The following ZMYM2 variants were observed in gnomAD, a reference collection of about 807,000 sequenced individuals.
The protein encoded by ZMYM2 is zinc finger MYM-type protein 2.
A neutral mutation model predicts 162.8 loss-of-function variants in ZMYM2; 56 were observed. That is an observed-to-expected ratio of 0.34 (90% CI 0.28 to 0.43). ZMYM2 has a LOEUF of 0.43. Ranked by LOEUF, ZMYM2 falls within the 20% of genes least tolerant of loss-of-function variation. The pLI, the probability that ZMYM2 is intolerant of heterozygous loss-of-function variation, is 1.00. For synonymous variants in ZMYM2, 510 were observed against 541.6 expected, an observed-to-expected ratio of 0.94 and a Z score of 0.81; for missense variants, 1,275 against 1,621.8, an observed-to-expected ratio of 0.79 and a Z score of 3.67.
rs1349950889 is a variant in ZMYM2, at chr13:20,026,713, T to C, written c.1686T>C (p.Cys562=). 4.4e-6 allele frequency: 7 copies of C among 1,605,524 alleles called. No individual in the cohort carries two copies. The highest frequency in any genetic ancestry group is 1.7e-6 in the Non-Finnish European group (2 of 1,178,300). The part of the protein sequence containing the change: ...IGPNGYMEPY[C]STACMNSHKT... Reference sequence around the variant, plus strand: ...CTAATGGATATATGGAGCCATATTGTTCAACTGCTTGTATGAACAGTCACA... The same window carrying C: ...CTAATGGATATATGGAGCCATATTGCTCAACTGCTTGTATGAACAGTCACA... Residue 562 remains cysteine, a synonymous_variant, in exon 8 of 25, where the codon TGT becomes TGC. Transcript: ENST00000610343.
chr13:20,055,350 A>G (rs1221976324), intron 14 of ZMYM2, among the ~76,000 whole-genome samples: 2 of 152,176 alleles, frequency 1.3e-5, no homozygotes, highest in Admixed American at 1.3e-4. Flanking sequence ...TCCAATGTGC[A>G]TGTTCCCAGT....
At chr13:19,927,415 A>T in the ZMYM2 span, among the ~76,000 whole-genome samples, 1 of 152,324 alleles carries the variant, frequency 6.6e-6, no homozygotes, top group East Asian at 1.9e-4. Context: ...ATTGAATTCT[A>T]AAAAAGTTAT....
At chr13:19,935,125 A>T in the ZMYM2 span, among the ~76,000 whole-genome samples, 2 of 151,620 alleles carry the variant, frequency 1.3e-5, no homozygotes, top group South Asian at 4.2e-4. Flanking sequence ...TGTATGTCTG[A>T]TATTATTTTA....
intron 6 of ZMYM2, among the ~76,000 whole-genome samples, chr13:20,018,323 A>G (rs955821499): frequency 3.3e-5 from 5 of 152,188 alleles, no homozygotes; most frequent in Admixed American, 3.3e-4. Context: ...TATGTTCATA[A>G]TTCATTAGTT....
At chr13:20,054,697 A>G (rs1250002684) in intron 14 of ZMYM2, among the ~76,000 whole-genome samples, 2 of 152,008 alleles carry the variant, frequency 1.3e-5, no homozygotes, top group South Asian at 2.1e-4. Flanking sequence ...ACCAAGTGGC[A>G]TAGTTAATTG....
the ZMYM2 span, among the ~76,000 whole-genome samples, chr13:19,866,166 G>C: frequency 6.6e-6 from 1 of 151,686 alleles, no homozygotes; most frequent in Non-Finnish European, 1.5e-5. Context: ...AGGTTGCAGT[G>C]AGCCGAGACT....
At chr13:19,906,538 A>T in the ZMYM2 span, among the ~76,000 whole-genome samples, 1,394 of 138,248 alleles carry the variant, frequency 0.01, 19 homozygotes, top group African/African-American at 0.027. Flanking sequence ...ATATATATAT[A>T]TTTTTTTTGT....
the ZMYM2 span, among the ~76,000 whole-genome samples, chr13:19,880,396 ATATATT>A: frequency 6.6e-6 from 1 of 151,604 alleles, no homozygotes; most frequent in African/African-American, 2.4e-5. Flanking sequence ...TTTAATTCCT[ATATATT>A]TATTCTTTTT....
intron 7 of ZMYM2, chr13:20,026,172 G>A (rs1383325343): frequency 3.3e-5 from 5 of 152,568 alleles, no homozygotes; most frequent in East Asian, 3.8e-4. Flanking sequence ...TAGCAGCTCA[G>A]TGGGAAAAGG....
In ZMYM2 at chr13:20,086,212, C is replaced by T; in HGVS notation, c.*198C>T. ...TATGTAGTGGTTTTAGGATACTTAA[C>T]AAATACATTCAAATTCTTTTTTTAT... On this transcript the variant is annotated 3_prime_UTR_variant, in exon 25 of 25. Transcript: ENST00000610343. The T allele has an allele frequency of 2.5e-6, 1 of 398,806 alleles. No individual in the cohort carries two copies. The highest frequency in any genetic ancestry group is 3.7e-5 in the East Asian group (1 of 27,262). 24.7% of individuals were successfully genotyped at this position (398,806 alleles called of 1,614,324 possible).
At chr13:20,064,301 A>G (rs527785163) in intron 18 of ZMYM2, 150 bp from the exon 19 acceptor site, 3 of 449,886 alleles carry the variant, frequency 6.7e-6, no homozygotes, top group African/African-American at 6.0e-5. Context: ...AAACCATGTT[A>G]GGTACAATGA....
chr13:20,056,711 T>C (rs977664019), intron 14 of ZMYM2, among the ~76,000 whole-genome samples: 1 of 150,606 alleles, frequency 6.6e-6, no homozygotes, highest in Non-Finnish European at 1.5e-5. Flanking sequence ...AAAAACATAA[T>C]GTGCATCACA....
At chr13:20,079,455 C>T (rs771303977) in intron 21 of ZMYM2, among the ~76,000 whole-genome samples, 14 of 148,764 alleles carry the variant, frequency 9.4e-5, no homozygotes, top group East Asian at 4.0e-4. Flanking sequence ...TGCTCTTCTT[C>T]GCAGCTTCTC....
intron 2 of ZMYM2, among the ~76,000 whole-genome samples, chr13:19,988,064 T>C (rs1320055980): frequency 6.6e-6 from 1 of 152,246 alleles, no homozygotes; most frequent in Non-Finnish European, 1.5e-5. Flanking sequence ...TTGAATCCTT[T>C]ACTGTCTTGG....
intron 6 of ZMYM2, among the ~76,000 whole-genome samples, chr13:20,013,690 A>T (rs1399982730): frequency 6.6e-6 from 1 of 152,168 alleles, no homozygotes; most frequent in Admixed American, 6.5e-5. Flanking sequence ...TGAGATGATC[A>T]TGTGGTCTTT....
chr13:19,944,874 T>C, the ZMYM2 span, among the ~76,000 whole-genome samples: 1 of 152,074 alleles, frequency 6.6e-6, no homozygotes, highest in Non-Finnish European at 1.5e-5. Context: ...TTTTGCTATA[T>C]TGGCCAGGCT....
chr13:19,977,193 T>C (rs1956869706), intron 2 of ZMYM2, among the ~76,000 whole-genome samples: 1 of 149,798 alleles, frequency 6.7e-6, no homozygotes, highest in Non-Finnish European at 1.5e-5. Flanking sequence ...TCTTTTTCTT[T>C]TTCTTTAAAT....
chr13:20,045,384 T>C (rs979795217), intron 12 of ZMYM2, among the ~76,000 whole-genome samples: 2 of 152,224 alleles, frequency 1.3e-5, no homozygotes, highest in African/African-American at 4.8e-5. Context: ...AAAAAGTTAC[T>C]TCATTACTTT....
chr13:20,028,860 G>A (rs1353453273), intron 9 of ZMYM2, among the ~76,000 whole-genome samples: 2 of 148,880 alleles, frequency 1.3e-5, no homozygotes, highest in East Asian at 3.9e-4. Context: ...CCATGGATAT[G>A]TAGGACCGAC....
Sources: gnomAD v4.1 joint callset for allele counts (sites outside exome capture counted in the v4.1 genomes callset) on GRCh38, gnomAD v4.1.1 for gene constraint, MANE v1.5 for transcripts, NCBI Gene and HGNC (gene_info 2026-07-23, HGNC 2026-07-21) for gene names.